Variants in COL24A1 observed in about 807,000 individuals in gnomAD.
COL24A1 encodes collagen alpha-1(XXIV) chain.
In COL24A1, 224 loss-of-function variants were observed where a neutral mutation model predicts 253.9. That is an observed-to-expected ratio of 0.88 (90% CI 0.79 to 0.99). COL24A1 has a LOEUF of 0.99. Ranked by LOEUF, COL24A1 falls within the 50% of genes least tolerant of loss-of-function variation. The pLI, the probability that COL24A1 is intolerant of heterozygous loss-of-function variation, is 0.00. For synonymous variants in COL24A1, 685 were observed against 673.7 expected, an observed-to-expected ratio of 1.02 and a Z score of -0.26; for missense variants, 2,131 against 2,068.5, an observed-to-expected ratio of 1.03 and a Z score of -0.59.
intron 33 of COL24A1, among the ~76,000 whole-genome samples, chr1:85,875,716 G>GACACAC (rs141827930): frequency 0.013 from 1,828 of 141,046 alleles, 24 homozygotes; most frequent in African/African-American, 0.014. Context: ...CATTATAAAA[G>GACACAC]ACACACACAC....
At chr1:86,107,409 T>C (rs1345098432) in intron 5 of COL24A1, among the ~76,000 whole-genome samples, 1 of 152,228 alleles carries the variant, frequency 6.6e-6, no homozygotes, top group Non-Finnish European at 1.5e-5. Flanking sequence ...GTTCTATTAA[T>C]TCCGATTATT....
chr1:85,987,561 A>T lies in COL24A1; in HGVS notation c.2364+40T>A, dbSNP rs780273430. ...TTATTGAGAATCAGGAGCTCTAGAT[A>T]ACCATAATTGTTTAGTCTCTCTCTT... is the stretch of plus-strand genomic sequence containing the variant. On this transcript the variant is annotated intron_variant, in intron 20 of 59. Coordinates refer to ENST00000370571, the MANE Select transcript of COL24A1 (RefSeq NM_152890.7). 17 of 1,545,712 alleles carry T rather than the reference A, an allele frequency of 1.1e-5. No individual in the cohort carries two copies. In the East Asian group the frequency reaches 3.8e-4, roughly 35 times the overall value.
intron 3 of COL24A1, among the ~76,000 whole-genome samples, chr1:86,122,661 T>C (rs1647560061): frequency 6.6e-6 from 1 of 152,074 alleles, no homozygotes; most frequent in Admixed American, 6.6e-5. Flanking sequence ...CATCTTTTAT[T>C]CTTTTCCTTT....
intron 59 of COL24A1, among the ~76,000 whole-genome samples, chr1:85,731,929 A>G (rs112210275): frequency 2.6e-5 from 4 of 152,318 alleles, no homozygotes; most frequent in African/African-American, 9.6e-5. Context: ...GAATGGCTTA[A>G]GCTGAACACC....
chr1:86,126,569 C>A (rs934215571), intron 2 of COL24A1, among the ~76,000 whole-genome samples: 3 of 151,970 alleles, frequency 2.0e-5, no homozygotes, highest in Admixed American at 6.6e-5. Flanking sequence ...ATATCCGGGG[C>A]TCAAAGGATC....
chr1:86,012,713 G>A (rs1223366156), intron 19 of COL24A1, among the ~76,000 whole-genome samples: 1 of 150,880 alleles, frequency 6.6e-6, no homozygotes, highest in African/African-American at 2.4e-5. Flanking sequence ...ATCAGATCAT[G>A]CCTCTGCCCT....
Position 85,874,683 on chromosome 1 carries a change from C to T in COL24A1, c.3104G>A (p.Gly1035Asp). 1 of 1,612,414 alleles carries T rather than the reference C, an allele frequency of 6.2e-7. No homozygotes were observed. The highest frequency in any genetic ancestry group is 8.5e-7 in the Non-Finnish European group (1 of 1,179,936). The change falls in exon 35 of 60, where the codon GGC becomes GAC. Residue 1035 changes from glycine to aspartate, a missense_variant. Transcript: ENST00000370571. ...PGAKGDVGTA[G>D]SVGGTGEPGL... ...TGGTTCCCCAGTTCCTCCAACACTG[C>T]CAGCAGTTCCAACATCTCCCTGAAG...
intron 28 of COL24A1, among the ~76,000 whole-genome samples, chr1:85,901,527 A>T (rs1285987780): frequency 2.0e-5 from 3 of 152,042 alleles, no homozygotes; most frequent in Non-Finnish European, 4.4e-5. Flanking sequence ...CTAAAAATGG[A>T]GCCTGGGTGT....
At chr1:86,112,468 G>A in intron 5 of COL24A1, 99 bp downstream of exon 5, 1 of 982,540 alleles carries the variant, frequency 1.0e-6, no homozygotes, top group East Asian at 2.5e-5. Context: ...GATCCTTGAT[G>A]TATCAAGACT....
intron 2 of COL24A1, among the ~76,000 whole-genome samples, chr1:86,141,577 C>G (rs973948869): frequency 6.6e-6 from 1 of 152,182 alleles, no homozygotes; most frequent in Non-Finnish European, 1.5e-5. Flanking sequence ...TCTCTACATG[C>G]CTTAGACATG....
chr1:85,976,926 G>A (rs1351506845), intron 20 of COL24A1, among the ~76,000 whole-genome samples: 1 of 152,226 alleles, frequency 6.6e-6, no homozygotes, highest in Non-Finnish European at 1.5e-5. Flanking sequence ...GAGAAAGCCA[G>A]CACGTGAAAC....
At chr1:85,881,501 T>C (rs1272513760) in intron 32 of COL24A1, among the ~76,000 whole-genome samples, 1 of 151,814 alleles carries the variant, frequency 6.6e-6, no homozygotes, top group East Asian at 1.9e-4. Flanking sequence ...GGTACGCACC[T>C]GTAATCCCAG....
Position 85,868,540 on chromosome 1 carries a change from T to C in COL24A1, c.3279A>G (p.Arg1093=). Residue 1093 remains arginine, a synonymous_variant, in exon 37 of 60, where the codon AGA becomes AGG. Coordinates refer to ENST00000370571, the MANE Select transcript of COL24A1 (RefSeq NM_152890.7). ...TTACCGGAAGGCCTGTTTGGCCTGATCTACCCAAGGGTCCTATAATTCCTG... is the reference window on the plus strand; with the variant it reads ...TTACCGGAAGGCCTGTTTGGCCTGACCTACCCAAGGGTCCTATAATTCCTG... ...GLPGIIGPLG[R]SGQTGLPGPE... The C allele has an allele frequency of 1.2e-6, 2 of 1,613,770 alleles. No individual in the cohort carries two copies. Among genetic ancestry groups the C allele is most frequent in the Non-Finnish European group, 1.7e-6 (2 of 1,179,762 alleles).
chr1:85,870,881 AC>A lies in COL24A1; in HGVS notation c.3139-2047del, dbSNP rs1204253614. Reference sequence around the variant, plus strand: ...ACTGAAGGAGATAGAGACAGAAAAAACCCTTCAAAAAATCAATGAATCCAAG... The same window carrying A: ...ACTGAAGGAGATAGAGACAGAAAAAACCTTCAAAAAATCAATGAATCCAAG... On this transcript the variant is annotated intron_variant, in intron 35 of 59. Coordinates refer to ENST00000370571, the MANE Select transcript of COL24A1 (RefSeq NM_152890.7). Among the ~76,000 whole-genome samples, 10 of 152,238 alleles carry A rather than the reference AC, an allele frequency of 6.6e-5. No homozygotes were observed. In the East Asian group the frequency reaches 1.7e-3, roughly 26 times the overall value.
intron 19 of COL24A1, among the ~76,000 whole-genome samples, chr1:85,996,712 G>A (rs1015297852): frequency 6.6e-6 from 1 of 152,068 alleles, no homozygotes; most frequent in African/African-American, 2.4e-5. Flanking sequence ...TAGTTACTAT[G>A]TATCAGGCAC....
At chr1:85,914,640 C>A (rs1055033164) in intron 24 of COL24A1, among the ~76,000 whole-genome samples, 10 of 152,184 alleles carry the variant, frequency 6.6e-5, no homozygotes, top group Admixed American at 1.3e-4. Context: ...ATCTGCCCAC[C>A]TTGGCCTCCC....
chr1:86,042,084 T>A (rs1699534937), intron 12 of COL24A1, among the ~76,000 whole-genome samples: 1 of 152,110 alleles, frequency 6.6e-6, no homozygotes, highest in African/African-American at 2.4e-5. Context: ...GAACTACACC[T>A]CGCTATCCAA....
intron 19 of COL24A1, among the ~76,000 whole-genome samples, chr1:86,008,435 T>C (rs662369): frequency 0.71 from 108,057 of 151,924 alleles, 39,733 homozygotes; most frequent in African/African-American, 0.88. Context: ...TTTGTAGAGA[T>C]GGTGTTTTGC....
chr1:85,839,816 T>C (rs1318672220), intron 42 of COL24A1, among the ~76,000 whole-genome samples: 1 of 152,168 alleles, frequency 6.6e-6, no homozygotes, highest in Non-Finnish European at 1.5e-5. Context: ...AATTATCTAA[T>C]AAACTCAGAC....
Sources: gnomAD v4.1 joint callset for allele counts (sites outside exome capture counted in the v4.1 genomes callset) on GRCh38, gnomAD v4.1.1 for gene constraint, MANE v1.5 for transcripts, NCBI Gene and HGNC (gene_info 2026-07-23, HGNC 2026-07-21) for gene names.